Variants in HSPH1 observed in about 807,000 individuals in gnomAD.
HSPH1 encodes heat shock protein family H (Hsp110) member 1.
HSPH1 carries 40 observed loss-of-function variants against 100.0 expected under a neutral mutation model. The observed-to-expected ratio is 0.40, with a 90% CI of 0.31 to 0.52. HSPH1 has a LOEUF of 0.52. HSPH1 is among the 20% of genes least tolerant of loss of function. HSPH1 has a pLI of 0.54. For missense variants in HSPH1, 876 were observed against 1,015.1 expected (o/e 0.86, Z 1.86); for synonymous variants, 403 against 344.0 (o/e 1.17, Z -1.90).
chr13:31,139,590 T>TA (rs1956015599), intron 14 of HSPH1, among the ~76,000 whole-genome samples: 1 of 152,060 alleles, frequency 6.6e-6, no homozygotes, highest in Non-Finnish European at 1.5e-5. Flanking sequence ...TGAATTACAT[T>TA]ACAAGGTAGC....
At chr13:31,160,274 A>G (rs1401224816) in intron 1 of HSPH1, among the ~76,000 whole-genome samples, 1 of 152,186 alleles carries the variant, frequency 6.6e-6, no homozygotes, top group Non-Finnish European at 1.5e-5. Context: ...ACCTTAACCA[A>G]AACACAAACT....
At chr13:31,154,827 A>G in intron 3 of HSPH1, 72 bp from the exon 4 acceptor site, 1 of 1,306,006 alleles carries the variant, frequency 7.7e-7, no homozygotes, top group Non-Finnish European at 1.1e-6. Context: ...AACTTCCAAA[A>G]ATTAGCACAC....
At chr13:31,140,943 T>A in intron 13 of HSPH1, 179 bp downstream of exon 13, 1 of 420,976 alleles carries the variant, frequency 2.4e-6, no homozygotes, top group Non-Finnish European at 4.1e-6. Context: ...GCAGAAAGAT[T>A]TTTTTGTTAA....
intron 3 of HSPH1, 94 bp from the exon 4 acceptor site, chr13:31,154,849 C>G: frequency 9.8e-7 from 1 of 1,022,326 alleles, no homozygotes; most frequent in South Asian, 1.8e-5. Context: ...TTCCCTTCCA[C>G]AAAATCTTTA....
In HSPH1 at chr13:31,158,854, T is replaced by C; in HGVS notation, c.117A>G (p.Ile39Met). The change falls in exon 2 of 18, where the codon ATA (isoleucine) becomes ATG (methionine). Residue 39 changes from isoleucine to methionine, a missense_variant. Coordinates refer to ENST00000320027, the MANE Select transcript of HSPH1 (RefSeq NM_006644.4). ...EFSDRCTPSV[I>M]SFGSKNRTIG... ...TTGTTCTATTTTTTGATCCAAATGATATGACTGACCTAGAAAAAAATATAT... is the reference window on the plus strand; with the variant it reads ...TTGTTCTATTTTTTGATCCAAATGACATGACTGACCTAGAAAAAAATATAT... The C allele has an allele frequency of 6.3e-7, 1 of 1,588,284 alleles. No homozygotes were observed. The highest frequency in any genetic ancestry group is 1.1e-5 in the South Asian group (1 of 90,520).
chr13:31,161,969 G>C (rs779336418), upstream of HSPH1: 5 of 1,535,958 alleles, frequency 3.3e-6, no homozygotes, highest in African/African-American at 6.8e-5. Flanking sequence ...CAGAATCTGC[G>C]GCATTTACTC....
At chr13:31,159,566 T>C (rs1048630733) in intron 1 of HSPH1, among the ~76,000 whole-genome samples, 17 of 152,170 alleles carry the variant, frequency 1.1e-4, no homozygotes, top group Admixed American at 7.9e-4. Flanking sequence ...AACCGCACAA[T>C]AACAGAGCAG....
chr13:31,150,569 A>AT (rs1353286501), intron 7 of HSPH1, among the ~76,000 whole-genome samples: 2 of 152,178 alleles, frequency 1.3e-5, no homozygotes, highest in Non-Finnish European at 2.9e-5. Flanking sequence ...GACCATAGGC[A>AT]TGTACCACCA....
At chr13:31,147,630 A>C (rs1956313808) in intron 10 of HSPH1, among the ~76,000 whole-genome samples, 1 of 152,148 alleles carries the variant, frequency 6.6e-6, no homozygotes, top group Non-Finnish European at 1.5e-5. Context: ...AGTTAGTATT[A>C]AAAGCACGGA....
chr13:31,151,613 A>G lies in HSPH1; in HGVS notation c.659T>C (p.Leu220Ser). The change falls in exon 6 of 18, where the codon TTG becomes TCG. Residue 220 changes from leucine (L) to serine (S), a missense_variant. Coordinates refer to ENST00000320027, the MANE Select transcript of HSPH1 (RefSeq NM_006644.4). The stretch of plus-strand genomic sequence containing the variant: ...AGTTCCAATGTATGACTTTACCTTC[A>G]ATTTTCCCTTGTTAAAAGCACAAGC... ...VSACAFNKGK[L>S]KVLGTAFDPF... The G allele has an allele frequency of 6.2e-7, 1 of 1,609,600 alleles. No homozygotes were observed. Among genetic ancestry groups the G allele is most frequent in the Non-Finnish European group, 8.5e-7 (1 of 1,178,698 alleles).
chr13:31,158,971 C>G (rs906155511), intron 1 of HSPH1, 108 bp from the exon 2 acceptor site: 7 of 696,092 alleles, frequency 1.0e-5, no homozygotes, highest in African/African-American at 3.6e-5. Flanking sequence ...GGATAGGGAA[C>G]AAGCATAGCA....
At chr13:31,151,883 G>T in intron 5 of HSPH1, 141 bp from the exon 6 acceptor site, 1 of 615,736 alleles carries the variant, frequency 1.6e-6, no homozygotes, top group Non-Finnish European at 2.8e-6. Context: ...TTTTATACCT[G>T]ACTTCACACT....
chr13:31,141,879 C>T (rs1227015801), intron 12 of HSPH1, among the ~76,000 whole-genome samples: 1 of 151,538 alleles, frequency 6.6e-6, no homozygotes, highest in African/African-American at 2.4e-5. Flanking sequence ...AGCAACTTTG[C>T]AAGGTAAAAA....
At position 31,138,475 on chromosome 13, in the gene HSPH1, CATTCATGACATT is replaced by C; in HGVS notation, c.2290_2301del (p.Asn764_Asn767del). On this transcript the variant is annotated inframe_deletion, in exon 17 of 18. Coordinates refer to ENST00000320027, the MANE Select transcript of HSPH1 (RefSeq NM_006644.4). ...TGATCAAGACTCTTTTTAGCCTGAG[CATTCATGACATT>C]ATTCATCCATTCCATCACTTCATTA... 3.1e-6 allele frequency: 5 copies of C among 1,613,162 alleles called. No homozygotes were observed. Among genetic ancestry groups the C allele is most frequent in the Non-Finnish European group, 4.2e-6 (5 of 1,179,322 alleles).
chr13:31,140,054 T>C, intron 14 of HSPH1, 130 bp downstream of exon 14: 3 of 886,108 alleles, frequency 3.4e-6, no homozygotes, highest in Non-Finnish European at 3.4e-6. Flanking sequence ...CCTTTCTCCA[T>C]AACTTTGTTT....
In HSPH1 at chr13:31,154,700, A is replaced by C. The variant is rs755816038; in HGVS notation, c.362T>G (p.Leu121Trp). 1.2e-6 allele frequency: 2 copies of C among 1,613,814 alleles called. No homozygotes were observed. Among genetic ancestry groups the C allele is most frequent in the Non-Finnish European group, 1.7e-6 (2 of 1,179,706 alleles). Reference sequence around the variant, plus strand: ...AGCAGTTTCCTTCAGCTTAGTCAACAACATGGCTGTTATCTGCTCCACACT... The same window carrying C: ...AGCAGTTTCCTTCAGCTTAGTCAACCACATGGCTGTTATCTGCTCCACACT... ...LFSVEQITAM[L>W]LTKLKETAEN... Residue 121 changes from leucine (L) to tryptophan (W), a missense_variant, in exon 4 of 18, where the codon TTG (leucine) becomes TGG (tryptophan). Coordinates refer to ENST00000320027, the MANE Select transcript of HSPH1 (RefSeq NM_006644.4).
intron 12 of HSPH1, among the ~76,000 whole-genome samples, chr13:31,141,619 T>C (rs1565997095): frequency 6.6e-6 from 1 of 152,042 alleles, no homozygotes. Context: ...CTAGAACCTG[T>C]CACCTAAGGA....
chr13:31,150,804 A>T (rs1176906936), intron 7 of HSPH1, 143 bp downstream of exon 7: 1 of 787,352 alleles, frequency 1.3e-6, no homozygotes, highest in South Asian at 1.9e-5. Flanking sequence ...TAGTGGTGAT[A>T]AACAACAGCA....
Position 31,158,829 on chromosome 13 carries a change from T to C in HSPH1, c.142A>G (p.Ile48Val), listed in dbSNP as rs151216789. 25 of 1,605,920 alleles carry C rather than the reference T, an allele frequency of 1.6e-5. No homozygotes were observed. Among genetic ancestry groups the C allele is most frequent in the East Asian group, 2.2e-5 (1 of 44,792 alleles). Residue 48 changes from isoleucine (I) to valine (V), a missense_variant, in exon 2 of 18, where the codon ATC (isoleucine) becomes GTC (valine). By Grantham distance (29) the Ile-to-Val change is conservative. Coordinates refer to ENST00000320027, the MANE Select transcript of HSPH1 (RefSeq NM_006644.4). ...ACCTGATTTTTGGCTGCAACTCCGA[T>C]TGTTCTATTTTTTGATCCAAATGAT... Reference protein sequence around the residue: ...VISFGSKNRTIGVAAKNQQIT... With the variant: ...VISFGSKNRTVGVAAKNQQIT...
Sources: allele counts gnomAD v4.1 joint callset (sites outside exome capture counted in the v4.1 genomes callset), GRCh38; gene constraint gnomAD v4.1.1; transcripts MANE v1.5; gene names NCBI Gene and HGNC (gene_info 2026-07-23, HGNC 2026-07-21).